Variants in DLGAP2 observed in about 807,000 individuals in gnomAD.
DLGAP2 encodes DLG associated protein 2.
In DLGAP2, 26 loss-of-function variants were observed where a neutral mutation model predicts 100.3. The observed-to-expected ratio is 0.26, with a 90% CI of 0.19 to 0.36. DLGAP2 has a LOEUF of 0.36. Among genes scored for constraint, DLGAP2 ranks in the 10% least tolerant of loss-of-function variants. The pLI, the probability that DLGAP2 is intolerant of heterozygous loss-of-function variation, is 1.00. For synonymous variants in DLGAP2, 886 were observed against 630.1 expected, an observed-to-expected ratio of 1.41 and a Z score of -6.08; for missense variants, 1,858 against 1,453.2, an observed-to-expected ratio of 1.28 and a Z score of -4.53.
intron 3 of DLGAP2, among the ~76,000 whole-genome samples, chr8:1,318,778 G>GCCTCCCCC (rs1800825964): frequency 9.5e-6 from 1 of 105,574 alleles, no homozygotes; most frequent in African/African-American, 4.3e-5. Flanking sequence ...TCAGTGATCA[G>GCCTCCCCC]CCCCCCCCCC....
In DLGAP2 at chr8:1,655,827, G is replaced by A. The variant is rs150769176; in HGVS notation, c.1811-12502G>A. On this transcript the variant is annotated intron_variant, in intron 8 of 14. Transcript: ENST00000637795. ...TCATGTGCTGTGTTAGAACACTCAG[G>A]GAACTATGTCCAGACATGGCCTCTT... 4.1e-3 allele frequency among the ~76,000 whole-genome samples: 628 copies of A among 152,296 alleles called. 1 individual carries two copies. Among genetic ancestry groups the A allele is most frequent in the African/African-American group, 0.015 (605 of 41,570 alleles).
At chr8:1,311,517 TA>T (rs1427004327) in intron 3 of DLGAP2, among the ~76,000 whole-genome samples, 10 of 152,312 alleles carry the variant, frequency 6.6e-5, no homozygotes, top group Admixed American at 5.2e-4. Flanking sequence ...ATGTAGATGC[TA>T]AAATTTTCCA....
chr8:743,506 C>T lies in DLGAP2; in HGVS notation c.18+5681C>T, dbSNP rs187637005. Among the ~76,000 whole-genome samples the T allele has an allele frequency of 5.1e-3, 782 of 152,154 alleles. 4 individuals are homozygous for T. The highest frequency in any genetic ancestry group is 7.1e-3 in the South Asian group (34 of 4,808). ...CTTGATTTGGTTTCTTTGAAATAAACCAAAAGCAAAACTCACATGCACAGC... is the reference window on the plus strand; with the variant it reads ...CTTGATTTGGTTTCTTTGAAATAAATCAAAAGCAAAACTCACATGCACAGC... On this transcript the variant is annotated intron_variant, in intron 1 of 14. Coordinates refer to ENST00000637795, the MANE Select transcript of DLGAP2 (RefSeq NM_001346810.2).
intron 5 of DLGAP2, among the ~76,000 whole-genome samples, chr8:1,552,668 T>C (rs572694735): frequency 1.3e-5 from 2 of 152,368 alleles, no homozygotes; most frequent in Admixed American, 1.3e-4. Flanking sequence ...CTGTGGGTCC[T>C]AGTGTACGGA....
intron 1 of DLGAP2, among the ~76,000 whole-genome samples, chr8:779,467 CTTT>C (rs35954348): frequency 7.7e-5 from 11 of 142,206 alleles, no homozygotes. Flanking sequence ...TTCTTTCTTT[CTTT>C]TTTTTTTTTT....
chr8:1,685,487 T>A (rs4379476), intron 12 of DLGAP2, among the ~76,000 whole-genome samples: 45,728 of 152,100 alleles, frequency 0.3, 8,237 homozygotes, highest in African/African-American at 0.48. Context: ...TGTGTCCATT[T>A]TGTGGATCAG....
At chr8:1,202,561 AT>A (rs1194137670) in intron 2 of DLGAP2, among the ~76,000 whole-genome samples, 1 of 152,186 alleles carries the variant, frequency 6.6e-6, no homozygotes, top group Non-Finnish European at 1.5e-5. Context: ...ATGCAGAGGA[AT>A]TCCCCAGGAG....
chr8:1,651,327 C>A (rs1798158413), intron 8 of DLGAP2, among the ~76,000 whole-genome samples: 1 of 152,154 alleles, frequency 6.6e-6, no homozygotes, highest in South Asian at 2.1e-4. Flanking sequence ...AAGCGCTGGC[C>A]CCGTCAGCAG....
intron 3 of DLGAP2, among the ~76,000 whole-genome samples, chr8:1,288,244 A>C (rs1303505613): frequency 2.4e-5 from 2 of 82,384 alleles, no homozygotes; most frequent in Non-Finnish European, 4.6e-5. Flanking sequence ...GTTTCGTTTC[A>C]GTGTGTGTGT....
chr8:1,129,854 C>T (rs1158177286), intron 2 of DLGAP2, among the ~76,000 whole-genome samples: 2 of 152,066 alleles, frequency 1.3e-5, no homozygotes, highest in African/African-American at 2.4e-5. Flanking sequence ...CAACCGTGGG[C>T]CTTGGACCCC....
intron 2 of DLGAP2, among the ~76,000 whole-genome samples, chr8:936,227 C>T (rs1210283967): frequency 6.6e-6 from 1 of 152,048 alleles, no homozygotes; most frequent in African/African-American, 2.4e-5. Context: ...GCCTAGAGGG[C>T]CAGAGCAAGC....
chr8:1,534,778 G>A (rs1369287450), intron 4 of DLGAP2, among the ~76,000 whole-genome samples: 8 of 63,982 alleles, frequency 1.3e-4, no homozygotes, highest in African/African-American at 8.0e-4. Context: ...GTGAGTGCAC[G>A]TGTACGTGTG....
Position 1,649,834 on chromosome 8 carries a change from C to CTATT in DLGAP2, c.1810+16802_1810+16805dup, listed in dbSNP as rs1159806321. Among the ~76,000 whole-genome samples, 7 of 152,026 alleles carry CTATT rather than the reference C, an allele frequency of 4.6e-5. No homozygotes were observed. In the East Asian group the frequency reaches 1.4e-3, roughly 29 times the overall value. ...TTCATCATGGGGAATATTTGTATCT[C>CTATT]TATTTATTTATTTATTTGGTTTTGG... On this transcript the variant is annotated intron_variant, in intron 8 of 14. Transcript: ENST00000637795.
At chr8:1,095,037 G>T in intron 2 of DLGAP2, among the ~76,000 whole-genome samples, 1 of 152,114 alleles carries the variant, frequency 6.6e-6, no homozygotes, top group South Asian at 2.1e-4. Context: ...AAGACAGCCT[G>T]GTGCAACAGC....
intron 12 of DLGAP2, among the ~76,000 whole-genome samples, chr8:1,682,444 C>G (rs1267297019): frequency 6.6e-6 from 1 of 151,840 alleles, no homozygotes; most frequent in Non-Finnish European, 1.5e-5. Flanking sequence ...GGACCCAAAT[C>G]AACAGTAAGA....
intron 1 of DLGAP2, among the ~76,000 whole-genome samples, chr8:764,369 C>T (rs1260406536): frequency 6.6e-6 from 1 of 152,214 alleles, no homozygotes; most frequent in East Asian, 1.9e-4. Flanking sequence ...TTCCTATGAA[C>T]TACTCCATCC....
intron 8 of DLGAP2, among the ~76,000 whole-genome samples, chr8:1,652,106 T>G (rs533365189): frequency 6.6e-6 from 1 of 152,334 alleles, no homozygotes; most frequent in East Asian, 1.9e-4. Flanking sequence ...TTAAGAGATA[T>G]TTGTGTTTCT....
chr8:1,275,701 C>T (rs73170407), intron 3 of DLGAP2, among the ~76,000 whole-genome samples: 3,649 of 132,426 alleles, frequency 0.028, 71 homozygotes, highest in African/African-American at 0.054. Context: ...TCTAGAGGGA[C>T]AGAGCTAATA....
chr8:1,310,341 C>T (rs1800586016), intron 3 of DLGAP2, among the ~76,000 whole-genome samples: 1 of 152,028 alleles, frequency 6.6e-6, no homozygotes, highest in Non-Finnish European at 1.5e-5. Flanking sequence ...TATATATGTA[C>T]CAAAATCAAA....
Sources: gnomAD v4.1 joint callset for allele counts (sites outside exome capture counted in the v4.1 genomes callset) on GRCh38, gnomAD v4.1.1 for gene constraint, MANE v1.5 for transcripts, NCBI Gene and HGNC (gene_info 2026-07-23, HGNC 2026-07-21) for gene names.